PCCA: variants seen among roughly 807,000 people sequenced by gnomAD.
The protein encoded by PCCA is propionyl-CoA carboxylase alpha chain, mitochondrial.
In PCCA, 74 loss-of-function variants were observed where a neutral mutation model predicts 101.3. The observed-to-expected ratio is 0.73, with a 90% CI of 0.61 to 0.89. The LOEUF (loss-of-function observed/expected upper bound fraction) is 0.89, where lower values mean the gene tolerates loss of function less well. PCCA is among the 40% of genes least tolerant of loss of function. The probability of loss-of-function intolerance (pLI) is 0.00; values close to 1 mark genes in which losing one functional copy is unlikely to be tolerated. For synonymous variants in PCCA, 294 were observed against 313.6 expected (o/e 0.94, Z 0.66); for missense variants, 891 against 907.0 (o/e 0.98, Z 0.23).
Position 100,317,934 on chromosome 13 carries a change from T to G in PCCA, c.1429+8026T>G, listed in dbSNP as rs75324339. Among the ~76,000 whole-genome samples, 956 of 152,240 alleles carry G rather than the reference T, an allele frequency of 6.3e-3. 10 individuals carry two copies. The highest frequency in any genetic ancestry group is 0.022 in the African/African-American group (914 of 41,534). ...TCAGTCCCTGCCTGCCTCCTGAATA[T>G]CCGTCAAGTCCAGCTGCTTCTCCCA... On this transcript the variant is annotated intron_variant, in intron 16 of 23. Transcript: ENST00000376285.
chr13:100,189,477 G>A (rs545308075), intron 6 of PCCA, among the ~76,000 whole-genome samples: 20 of 152,210 alleles, frequency 1.3e-4, no homozygotes, highest in African/African-American at 4.6e-4. Context: ...GTTTGAGTTC[G>A]TTGTACATTC....
intron 8 of PCCA, chr13:100,237,236 C>T (rs1029915298): frequency 2.0e-5 from 3 of 152,234 alleles, no homozygotes; most frequent in Admixed American, 1.3e-4. Flanking sequence ...AGCAGTTTGG[C>T]TTATTGCACC....
At chr13:100,490,465 A>T (rs111358980) in intron 21 of PCCA, 166 of 152,386 alleles carry the variant, frequency 1.1e-3, no homozygotes, top group African/African-American at 3.8e-3. Flanking sequence ...TTAGAAGAAC[A>T]TGCACAGTTA....
chr13:100,341,245 A>G (rs1350807959), intron 18 of PCCA, among the ~76,000 whole-genome samples: 1 of 152,216 alleles, frequency 6.6e-6, no homozygotes, highest in Non-Finnish European at 1.5e-5. Context: ...GAAAATGGTC[A>G]ATAGAACCGT....
chr13:100,095,542 G>T (rs1037071323), intron 1 of PCCA, among the ~76,000 whole-genome samples: 10 of 152,186 alleles, frequency 6.6e-5, no homozygotes, highest in Non-Finnish European at 1.5e-5. Flanking sequence ...AGTTGGGGAT[G>T]TTACCTAATG....
In PCCA at chr13:100,418,200, A is replaced by C. The variant is rs921860446; in HGVS notation, c.1747-7433A>C. Among the ~76,000 whole-genome samples, 16 of 152,276 alleles carry C rather than the reference A, an allele frequency of 1.1e-4. No individual in the cohort carries two copies. The East Asian group carries it at 2.9e-3, about 28-fold the overall frequency. ...ACTCCTTCATTCTTCCATCAGTCTC[A>C]AACTTAGAGGAACTCTGCCTCCACC... is the stretch of plus-strand genomic sequence containing the variant. On this transcript the variant is annotated intron_variant, in intron 19 of 23. Coordinates refer to ENST00000376285, the MANE Select transcript of PCCA (RefSeq NM_000282.4).
chr13:100,290,447 A>G (rs2065038483), intron 12 of PCCA, among the ~76,000 whole-genome samples: 1 of 152,084 alleles, frequency 6.6e-6, no homozygotes, highest in African/African-American at 2.4e-5. Flanking sequence ...TCCAGGTCTT[A>G]AGTGATCCTC....
intron 12 of PCCA, among the ~76,000 whole-genome samples, chr13:100,298,451 G>T (rs1409155737): frequency 1.3e-5 from 2 of 152,120 alleles, no homozygotes; most frequent in Non-Finnish European, 2.9e-5. Context: ...CCTCAAAACA[G>T]ATGCATATTA....
intron 21 of PCCA, among the ~76,000 whole-genome samples, chr13:100,500,723 C>T (rs776056292): frequency 7.2e-5 from 11 of 152,110 alleles, no homozygotes; most frequent in Non-Finnish European, 1.5e-4. Context: ...ATATTTGATC[C>T]AATTTAGGGA....
At chr13:100,306,957 T>A (rs1310154058) in intron 14 of PCCA, among the ~76,000 whole-genome samples, 3 of 152,250 alleles carry the variant, frequency 2.0e-5, no homozygotes, top group Non-Finnish European at 4.4e-5. Flanking sequence ...TCTTCATTTT[T>A]TATTTTTTAT....
intron 22 of PCCA, among the ~76,000 whole-genome samples, chr13:100,524,108 A>G (rs1225904600): frequency 6.6e-6 from 1 of 152,222 alleles, no homozygotes; most frequent in Non-Finnish European, 1.5e-5. Context: ...TGCAGGAGTC[A>G]GCGCTGCTGG....
chr13:100,515,927 C>T (rs1039339239), intron 22 of PCCA, among the ~76,000 whole-genome samples: 7 of 152,170 alleles, frequency 4.6e-5, no homozygotes, highest in South Asian at 4.1e-4. Flanking sequence ...AATAATACTC[C>T]GATGAGGAAC....
intron 8 of PCCA, among the ~76,000 whole-genome samples, chr13:100,250,428 A>C (rs1210793615): frequency 6.6e-6 from 1 of 152,074 alleles, no homozygotes. Context: ...ATGGTATATA[A>C]TTCTTTTTAT....
intron 7 of PCCA, among the ~76,000 whole-genome samples, chr13:100,227,670 A>C (rs1215585536): frequency 6.6e-6 from 1 of 152,182 alleles, no homozygotes; most frequent in Non-Finnish European, 1.5e-5. Context: ...ATCGGTGCTC[A>C]AAAGAGTTAA....
At chr13:100,129,050 C>A (rs1195072331) in intron 4 of PCCA, among the ~76,000 whole-genome samples, 1 of 152,114 alleles carries the variant, frequency 6.6e-6, no homozygotes, top group Non-Finnish European at 1.5e-5. Flanking sequence ...TACCTCAAAC[C>A]CAGCATTACC....
At position 100,313,014 on chromosome 13, in the gene PCCA, A is replaced by G. The variant is rs1457976248; in HGVS notation, c.1429+3106A>G. On this transcript the variant is annotated intron_variant, in intron 16 of 23. Transcript: ENST00000376285. ...TTCAAATCTATAGAAAAGATGAATGAATAGTACTGTGCATGCCTGTGTACT... is the reference window on the plus strand; with the variant it reads ...TTCAAATCTATAGAAAAGATGAATGGATAGTACTGTGCATGCCTGTGTACT... Among the ~76,000 whole-genome samples the G allele has an allele frequency of 2.0e-5, 3 of 152,234 alleles. No individual in the cohort carries two copies. In the East Asian group the frequency reaches 5.8e-4, roughly 29 times the overall value.
chr13:100,269,808 C>G (rs564211652), intron 11 of PCCA, among the ~76,000 whole-genome samples: 5 of 152,182 alleles, frequency 3.3e-5, no homozygotes, highest in African/African-American at 1.2e-4. Context: ...AAAAATTCAA[C>G]TCTATTTTAG....
chr13:100,437,857 A>G (rs1272866114), intron 20 of PCCA, among the ~76,000 whole-genome samples: 1 of 151,954 alleles, frequency 6.6e-6, no homozygotes, highest in Non-Finnish European at 1.5e-5. Context: ...TTTAGTAGAG[A>G]GGGGGTTTTA....
At chr13:100,459,184 A>T (rs1337673918) in intron 21 of PCCA, among the ~76,000 whole-genome samples, 1 of 152,192 alleles carries the variant, frequency 6.6e-6, no homozygotes, top group Non-Finnish European at 1.5e-5. Context: ...ACCAGTCATC[A>T]GATTTAAGGC....
Sources: gnomAD v4.1 joint callset for allele counts (sites outside exome capture counted in the v4.1 genomes callset) on GRCh38, gnomAD v4.1.1 for gene constraint, MANE v1.5 for transcripts, NCBI Gene and HGNC (gene_info 2026-07-23, HGNC 2026-07-21) for gene names.